HPS3: variants seen among roughly 807,000 people sequenced by gnomAD.
HPS3 encodes the protein BLOC-2 complex member HPS3.
In HPS3, 79 loss-of-function variants were observed where a neutral mutation model predicts 110.9. The observed-to-expected ratio is 0.71, with a 90% CI of 0.59 to 0.86. The LOEUF is 0.86. Among genes scored for constraint, HPS3 ranks in the 40% least tolerant of loss-of-function variants. HPS3 has a pLI of 0.00. For synonymous variants in HPS3, 428 were observed against 451.0 expected (o/e 0.95, Z 0.65); for missense variants, 1,197 against 1,206.2 (o/e 0.99, Z 0.11).
At chr3:149,165,039 C>T (rs1400215762) in intron 14 of HPS3, among the ~76,000 whole-genome samples, 1 of 152,122 alleles carries the variant, frequency 6.6e-6, no homozygotes, top group African/African-American at 2.4e-5. Flanking sequence ...GTGGTGTTCC[C>T]AGAGATGGCA....
At chr3:149,150,223 A>G (rs11927003) in intron 5 of HPS3, among the ~76,000 whole-genome samples, 3,518 of 152,258 alleles carry the variant, frequency 0.023, 149 homozygotes, top group African/African-American at 0.08. Context: ...ATAGACACCC[A>G]TCTGTACCTT....
At chr3:149,161,628 GCCTC>G (rs756042211) in intron 11 of HPS3, among the ~76,000 whole-genome samples, 2 of 149,818 alleles carry the variant, frequency 1.3e-5, no homozygotes, top group Non-Finnish European at 3.0e-5. Flanking sequence ...TCCTGCCTCA[GCCTC>G]CCAAGTAGCT....
At chr3:149,145,233 T>C in intron 4 of HPS3, 121 bp from the exon 5 acceptor site, 1 of 742,042 alleles carries the variant, frequency 1.3e-6, no homozygotes, top group Non-Finnish European at 2.4e-6. Context: ...AAGAGCAACT[T>C]CCCCTTTGCA....
At chr3:149,153,428 G>C in intron 6 of HPS3, 66 bp from the exon 7 acceptor site, 1 of 1,354,870 alleles carries the variant, frequency 7.4e-7, no homozygotes, top group South Asian at 1.2e-5. Context: ...TAAACTGACT[G>C]ATTTTTGAAG....
chr3:149,129,960 A>G lies in HPS3; in HGVS notation c.217+20A>G, dbSNP rs1576653814. 1 of 1,534,168 alleles carries G rather than the reference A, an allele frequency of 6.5e-7. No homozygotes were observed. The highest frequency in any genetic ancestry group is 8.7e-7 in the Non-Finnish European group (1 of 1,145,866). On this transcript the variant is annotated intron_variant, in intron 1 of 16. Transcript: ENST00000296051. ...AGGCTGGTGAGTAATCTAGAGAGCC[A>G]GGGGCCGCCTGGGGTCCAGCTTGAG...
chr3:149,139,936 C>T lies in HPS3; in HGVS notation c.218-68C>T, dbSNP rs1044352960. On this transcript the variant is annotated intron_variant, in intron 1 of 16. Coordinates refer to ENST00000296051, the MANE Select transcript of HPS3 (RefSeq NM_032383.5). ...TGTGTTAGAATTCATTAATAGTACTCATGTCAGCAAGGGAGGTGGTTGTAT... is the reference window on the plus strand; with the variant it reads ...TGTGTTAGAATTCATTAATAGTACTTATGTCAGCAAGGGAGGTGGTTGTAT... 5.7e-6 allele frequency: 8 copies of T among 1,392,798 alleles called. No individual in the cohort carries two copies. In the East Asian group the frequency reaches 6.8e-5, roughly 12 times the overall value. The allele number at this position is 1,392,798 out of a possible 1,614,324, so 86.3% of individuals were successfully genotyped here.
At chr3:149,152,041 C>G (rs1298328992) in intron 6 of HPS3, among the ~76,000 whole-genome samples, 1 of 152,178 alleles carries the variant, frequency 6.6e-6, no homozygotes, top group African/African-American at 2.4e-5. Flanking sequence ...AATGGCCTGC[C>G]TGTGGTTTTC....
chr3:149,136,808 A>G (rs1187919978), intron 1 of HPS3, among the ~76,000 whole-genome samples: 1 of 152,216 alleles, frequency 6.6e-6, no homozygotes, highest in Non-Finnish European at 1.5e-5. Flanking sequence ...CAATTTGCAT[A>G]CTATAAACAT....
At chr3:149,168,110 C>CTG in intron 16 of HPS3, 127 bp downstream of exon 16, 1 of 670,740 alleles carries the variant, frequency 1.5e-6, no homozygotes, top group South Asian at 1.7e-5. Context: ...ATCTGGGGAG[C>CTG]TTATTTTCAG....
intron 6 of HPS3, among the ~76,000 whole-genome samples, chr3:149,151,039 G>A (rs1245373321): frequency 6.6e-6 from 1 of 151,724 alleles, no homozygotes; most frequent in Non-Finnish European, 1.5e-5. Context: ...GCAGGGTCTT[G>A]CTCTGTCACC....
intron 4 of HPS3, among the ~76,000 whole-genome samples, chr3:149,143,317 G>T (rs932748466): frequency 3.3e-5 from 5 of 152,148 alleles, no homozygotes; most frequent in African/African-American, 1.2e-4. Context: ...CTTCTTGTGC[G>T]TAGGGTACTC....
At chr3:149,150,339 A>G (rs1379203070) in intron 5 of HPS3, among the ~76,000 whole-genome samples, 1 of 152,160 alleles carries the variant, frequency 6.6e-6, no homozygotes, top group East Asian at 1.9e-4. Context: ...AGTTTTGTAG[A>G]AATGTACACG....
chr3:149,132,754 G>C (rs2108117024), intron 1 of HPS3, among the ~76,000 whole-genome samples: 1 of 152,306 alleles, frequency 6.6e-6, no homozygotes, highest in African/African-American at 2.4e-5. Flanking sequence ...AAAATAAATT[G>C]AAAATCATCT....
intron 9 of HPS3, 80 bp downstream of exon 9, chr3:149,157,611 A>G (rs1470318973): frequency 2.4e-6 from 3 of 1,274,624 alleles, no homozygotes; most frequent in Non-Finnish European, 2.3e-6. Context: ...CATCTCTGGT[A>G]GTTACCTGAT....
chr3:149,140,025 A>G lies in HPS3; in HGVS notation c.239A>G (p.Glu80Gly). The part of the protein sequence containing the change: ...SEAGDYLVAI[E>G]EKNKATFLRA... ...TCAGGAGATTATTTGGTAGCAATTG[A>G]AGAGAAAAACAAAGCTACATTTCTA... The change falls in exon 2 of 17, where the codon GAA (glutamate) becomes GGA (glycine). Residue 80 changes from glutamate (E) to glycine (G), a missense_variant. Physicochemically the swap from Glu to Gly is moderately conservative, Grantham distance 98. Coordinates refer to ENST00000296051, the MANE Select transcript of HPS3 (RefSeq NM_032383.5). 1.2e-6 allele frequency: 2 copies of G among 1,613,254 alleles called. No individual in the cohort carries two copies.
chr3:149,140,901 C>T, intron 2 of HPS3, 116 bp from the exon 3 acceptor site: 1 of 954,592 alleles, frequency 1.0e-6, no homozygotes, highest in Admixed American at 2.1e-5. Flanking sequence ...ACCACAGTGC[C>T]TTGTAAATGT....
intron 4 of HPS3, among the ~76,000 whole-genome samples, chr3:149,143,647 TG>T (rs1722618875): frequency 6.6e-6 from 1 of 152,186 alleles, no homozygotes. Flanking sequence ...ATAGAGATTT[TG>T]GAAAGATATT....
chr3:149,172,088 T>C lies in HPS3; in HGVS notation c.2888-7T>C. 1.2e-6 allele frequency: 2 copies of C among 1,612,508 alleles called. No individual in the cohort carries two copies. The highest frequency in any genetic ancestry group is 1.7e-6 in the Non-Finnish European group (2 of 1,178,876). On this transcript the variant is annotated splice_region_variant and splice_polypyrimidine_tract_variant and intron_variant, in intron 16 of 16. Transcript: ENST00000296051. The stretch of plus-strand genomic sequence containing the variant: ...CAATTCTAATTCAGATATTCTTTTC[T>C]ACACAGAAACATTGTCAATTGTTGC...
intron 1 of HPS3, among the ~76,000 whole-genome samples, chr3:149,133,988 T>TTTA (rs376461926): frequency 2.0e-5 from 3 of 151,810 alleles, no homozygotes; most frequent in South Asian, 2.1e-4. Context: ...TGTTTTTTTT[T>TTTA]AAAAAAAATG....
Sources: allele counts gnomAD v4.1 joint callset (sites outside exome capture counted in the v4.1 genomes callset), GRCh38; gene constraint gnomAD v4.1.1; transcripts MANE v1.5; gene names NCBI Gene and HGNC (gene_info 2026-07-23, HGNC 2026-07-21).